Variants in ELOVL6 observed in about 807,000 individuals in gnomAD.
The protein encoded by ELOVL6 is ELOVL fatty acid elongase 6.
Under a neutral mutation model 31.7 loss-of-function variants are expected in ELOVL6, and 8 were observed. The observed-to-expected ratio is 0.25, with a 90% CI of 0.15 to 0.45. The LOEUF (loss-of-function observed/expected upper bound fraction) is 0.45. Ranked by LOEUF, ELOVL6 falls within the 20% of genes least tolerant of loss-of-function variation. ELOVL6 has a pLI of 1.00. For missense variants in ELOVL6, 126 were observed against 326.4 expected (o/e 0.39, Z 4.73); for synonymous variants, 101 against 117.7 (o/e 0.86, Z 0.92).
chr4:110,105,531 A>G lies in ELOVL6; in HGVS notation c.187T>C (p.Leu63=). The G allele has an allele frequency of 6.2e-7, 1 of 1,613,860 alleles. No homozygotes were observed. Among genetic ancestry groups the G allele is most frequent in the Non-Finnish European group, 8.5e-7 (1 of 1,179,772 alleles). ...KRAKFELRKP[L]VLWSLTLAVF... is the part of the protein sequence containing the mutation. ...GCAAGGGTCAGAGACCAGAGCACTA[A>G]TGGCTTCCTCAGTTCAAACTTTGCT... The change falls in exon 2 of 4, where the codon TTA becomes CTA. Residue 63 remains leucine (L), a synonymous_variant. Transcript: ENST00000302274.
intron 1 of ELOVL6, among the ~76,000 whole-genome samples, chr4:110,128,289 G>C (rs956511379): frequency 6.6e-6 from 1 of 152,212 alleles, no homozygotes; most frequent in Non-Finnish European, 1.5e-5. Context: ...AGAGTGTTGA[G>C]ATGAAGGTGC....
intron 2 of ELOVL6, among the ~76,000 whole-genome samples, chr4:110,070,677 G>A (rs1238179048): frequency 2.6e-5 from 4 of 152,244 alleles, no homozygotes; most frequent in Non-Finnish European, 4.4e-5. Flanking sequence ...CCCCCTTGCC[G>A]TTCTTGTGAT....
intron 1 of ELOVL6, among the ~76,000 whole-genome samples, chr4:110,176,427 T>C (rs1041443604): frequency 6.6e-6 from 1 of 151,922 alleles, no homozygotes; most frequent in Non-Finnish European, 1.5e-5. Context: ...CCCAAAGTGC[T>C]GAGATTACAG....
intron 1 of ELOVL6, among the ~76,000 whole-genome samples, chr4:110,151,369 T>G (rs1758276019): frequency 6.6e-6 from 1 of 152,292 alleles, no homozygotes; most frequent in South Asian, 2.1e-4. Context: ...AATAATTTTA[T>G]GCATTAAACA....
chr4:110,175,127 T>TA (rs1463391685), intron 1 of ELOVL6, among the ~76,000 whole-genome samples: 11 of 152,056 alleles, frequency 7.2e-5, no homozygotes, highest in African/African-American at 2.7e-4. Flanking sequence ...CTCATGCCTG[T>TA]AATCGCAATA....
At chr4:110,179,916 G>A (rs1759221440) in intron 1 of ELOVL6, among the ~76,000 whole-genome samples, 1 of 152,238 alleles carries the variant, frequency 6.6e-6, no homozygotes, top group East Asian at 1.9e-4. Flanking sequence ...TCATGAAAAG[G>A]TAGAACATGT....
At chr4:110,149,764 A>G (rs895048634) in intron 1 of ELOVL6, among the ~76,000 whole-genome samples, 1 of 152,200 alleles carries the variant, frequency 6.6e-6, no homozygotes, top group Non-Finnish European at 1.5e-5. Flanking sequence ...ATAAATATAT[A>G]TCTCTTCCTA....
chr4:110,140,195 G>T (rs919821795), intron 1 of ELOVL6, among the ~76,000 whole-genome samples: 10 of 152,102 alleles, frequency 6.6e-5, no homozygotes, highest in African/African-American at 2.4e-4. Flanking sequence ...GAAAAAGTTG[G>T]GTCTCTTTTC....
chr4:110,176,625 T>G lies in ELOVL6; in HGVS notation c.89+21622A>C, dbSNP rs925544837. Among the ~76,000 whole-genome samples the G allele has an allele frequency of 3.0e-4, 45 of 152,226 alleles. 1 individual carries two copies. The highest frequency in any genetic ancestry group is 4.4e-5 in the Non-Finnish European group (3 of 68,040). The stretch of plus-strand genomic sequence containing the variant: ...TTATAGCCAACCCAATCCCCCTCCT[T>G]TGCCAACAGATAAACTTTACCCGAT... On this transcript the variant is annotated intron_variant, in intron 1 of 3. Transcript: ENST00000302274.
chr4:110,109,951 C>G (rs1399991529), intron 1 of ELOVL6, among the ~76,000 whole-genome samples: 1 of 152,142 alleles, frequency 6.6e-6, no homozygotes, highest in Non-Finnish European at 1.5e-5. Context: ...AAGTAAAAAG[C>G]AGTGAGGGGA....
chr4:110,172,809 G>A (rs892194669), intron 1 of ELOVL6, among the ~76,000 whole-genome samples: 3 of 152,150 alleles, frequency 2.0e-5, no homozygotes, highest in Admixed American at 2.0e-4. Flanking sequence ...TCTTGTTACA[G>A]TGAAACAATG....
chr4:110,057,864 A>G (rs1755036205), intron 3 of ELOVL6, among the ~76,000 whole-genome samples: 1 of 151,840 alleles, frequency 6.6e-6, no homozygotes, highest in Admixed American at 6.6e-5. Flanking sequence ...GAAAAAAAAA[A>G]AAAAAAAAAA....
chr4:110,112,214 A>G (rs748272554), intron 1 of ELOVL6, among the ~76,000 whole-genome samples: 5 of 152,202 alleles, frequency 3.3e-5, no homozygotes, highest in Non-Finnish European at 5.9e-5. Context: ...TCTATCCCTG[A>G]GGGCAGATGT....
intron 2 of ELOVL6, among the ~76,000 whole-genome samples, chr4:110,099,342 C>G (rs996023266): frequency 1.4e-4 from 22 of 152,068 alleles, no homozygotes; most frequent in Admixed American, 1.3e-3. Context: ...GAATAATTTT[C>G]TACTAATCTT....
chr4:110,104,527 A>G (rs1021941284), intron 2 of ELOVL6, among the ~76,000 whole-genome samples: 1 of 152,248 alleles, frequency 6.6e-6, no homozygotes, highest in African/African-American at 2.4e-5. Flanking sequence ...AGCTTTAAGT[A>G]ACTAATGAAG....
intron 2 of ELOVL6, among the ~76,000 whole-genome samples, chr4:110,084,517 ACAT>A (rs1450990682): frequency 1.1e-5 from 1 of 94,114 alleles, no homozygotes; most frequent in Non-Finnish European, 2.1e-5. Context: ...ATATGTGTAT[ACAT>A]TATATACACT....
chr4:110,165,625 C>T (rs545835037), intron 1 of ELOVL6, among the ~76,000 whole-genome samples: 8 of 152,332 alleles, frequency 5.3e-5, no homozygotes, highest in African/African-American at 1.9e-4. Flanking sequence ...GTAGCATGGT[C>T]TCAGGAGCTG....
In ELOVL6 at chr4:110,072,190, TC is replaced by T. The variant is rs554053507; in HGVS notation, c.222-12437del. Among the ~76,000 whole-genome samples the T allele has an allele frequency of 6.6e-5, 10 of 152,200 alleles. No individual in the cohort carries two copies. In the East Asian group the frequency reaches 1.7e-3, roughly 27 times the overall value. ...AAAAATTAAGTGGCACCTGTAAAAA[TC>T]CTTTGGCCAGGCGCAGTGGCTCACA... On this transcript the variant is annotated intron_variant, in intron 2 of 3. Coordinates refer to ENST00000302274, the MANE Select transcript of ELOVL6 (RefSeq NM_024090.3).
intron 1 of ELOVL6, among the ~76,000 whole-genome samples, chr4:110,146,854 C>T (rs542660541): frequency 1.2e-4 from 18 of 152,218 alleles, no homozygotes; most frequent in African/African-American, 4.1e-4. Flanking sequence ...GCTGGGCATC[C>T]TGGTGGGCAC....
Sources: gnomAD v4.1 joint callset for allele counts (sites outside exome capture counted in the v4.1 genomes callset) on GRCh38, gnomAD v4.1.1 for gene constraint, MANE v1.5 for transcripts, NCBI Gene and HGNC (gene_info 2026-07-23, HGNC 2026-07-21) for gene names.